Variants in GALNT18 observed in about 807,000 individuals in gnomAD.
The protein encoded by GALNT18 is polypeptide N-acetylgalactosaminyltransferase 18, also known as GalNAc-transferase 18.
In GALNT18, 44 loss-of-function variants were observed where a neutral mutation model predicts 69.5. That is an observed-to-expected ratio of 0.63 (90% CI 0.50 to 0.81). The LOEUF (loss-of-function observed/expected upper bound fraction) is 0.81, where lower values mean the gene tolerates loss of function less well. Ranked by LOEUF, GALNT18 falls within the 40% of genes least tolerant of loss-of-function variation. The pLI is 0.00. For missense variants in GALNT18, 715 were observed against 810.0 expected (o/e 0.88, Z 1.42); for synonymous variants, 364 against 318.2 (o/e 1.14, Z -1.53).
In GALNT18 at chr11:11,533,794, A is replaced by C. The variant is rs1476887861; in HGVS notation, c.236-84858T>G. Reference sequence around the variant, plus strand: ...GTCTGTGTATCTGGTATTTTCTCCCAGTGCCATTCCGAGTAGATGCCTCGT... The same window carrying C: ...GTCTGTGTATCTGGTATTTTCTCCCCGTGCCATTCCGAGTAGATGCCTCGT... On this transcript the variant is annotated intron_variant, in intron 1 of 10. Transcript: ENST00000227756. 4.6e-5 allele frequency among the ~76,000 whole-genome samples: 7 copies of C among 152,324 alleles called. No individual in the cohort carries two copies. The East Asian group carries it at 1.2e-3, about 25-fold the overall frequency.
intron 9 of GALNT18, among the ~76,000 whole-genome samples, chr11:11,311,924 G>C (rs1241456045): frequency 6.6e-6 from 1 of 152,192 alleles, no homozygotes. Flanking sequence ...AGGGGTTAGG[G>C]GTGCTGACTC....
intron 10 of GALNT18, among the ~76,000 whole-genome samples, chr11:11,287,883 T>A: frequency 6.6e-6 from 1 of 152,098 alleles, no homozygotes; most frequent in Non-Finnish European, 1.5e-5. Context: ...TGAGAACCAC[T>A]CCACTGCCCG....
At chr11:11,515,051 C>T (rs1857244177) in intron 1 of GALNT18, among the ~76,000 whole-genome samples, 1 of 152,322 alleles carries the variant, frequency 6.6e-6, no homozygotes, top group Admixed American at 6.5e-5. Flanking sequence ...AGGCCAGATC[C>T]AGAGCCCGCA....
chr11:11,561,481 C>A (rs191673133), intron 1 of GALNT18, among the ~76,000 whole-genome samples: 2 of 152,244 alleles, frequency 1.3e-5, no homozygotes, highest in East Asian at 3.9e-4. Context: ...TCCCAGTCTG[C>A]AAAATGGGTA....
At chr11:11,371,238 T>C (rs2133673239) in intron 6 of GALNT18, among the ~76,000 whole-genome samples, 1 of 152,348 alleles carries the variant, frequency 6.6e-6, no homozygotes, top group South Asian at 2.1e-4. Flanking sequence ...TTGCAGGCAT[T>C]GTGAGATGCT....
intron 2 of GALNT18, among the ~76,000 whole-genome samples, chr11:11,442,725 T>A (rs1855557488): frequency 6.6e-6 from 1 of 151,658 alleles, no homozygotes; most frequent in Non-Finnish European, 1.5e-5. Context: ...GTCCCAATTA[T>A]TCCCACCTAG....
At chr11:11,468,731 C>T (rs1231221953) in intron 1 of GALNT18, among the ~76,000 whole-genome samples, 1 of 152,098 alleles carries the variant, frequency 6.6e-6, no homozygotes. Flanking sequence ...AAACAGGATG[C>T]TCGCTAATGC....
chr11:11,403,037 C>T (rs1379665979), intron 3 of GALNT18, among the ~76,000 whole-genome samples: 1 of 152,146 alleles, frequency 6.6e-6, no homozygotes, highest in Non-Finnish European at 1.5e-5. Flanking sequence ...AGGAATGACG[C>T]TCCAGCATGA....
chr11:11,300,059 A>C (rs1849467965), intron 9 of GALNT18, among the ~76,000 whole-genome samples: 1 of 152,270 alleles, frequency 6.6e-6, no homozygotes, highest in Non-Finnish European at 1.5e-5. Context: ...AGGCAAATCT[A>C]GAACATTGGG....
At chr11:11,307,626 A>G (rs182556474) in intron 9 of GALNT18, among the ~76,000 whole-genome samples, 21 of 152,252 alleles carry the variant, frequency 1.4e-4, no homozygotes, top group African/African-American at 5.1e-4. Context: ...AAAGGTTCTG[A>G]TGCTACCCCT....
Position 11,377,235 on chromosome 11 carries a change from G to A in GALNT18, c.924C>T (p.Tyr308=). 1 of 1,613,804 alleles carries A rather than the reference G, an allele frequency of 6.2e-7. No homozygotes were observed. Among genetic ancestry groups the A allele is most frequent in the Non-Finnish European group, 8.5e-7 (1 of 1,180,022 alleles). Reference sequence around the variant, plus strand: ...TCCACCAGGCCTTGGGGGGATTTAGGTAGCGGCACCACAGCTCCCAGTCAA... The same window carrying A: ...TCCACCAGGCCTTGGGGGGATTTAGATAGCGGCACCACAGCTCCCAGTCAA... ...QGFDWELWCR[Y]LNPPKAWWKL... The change falls in exon 5 of 11, where the codon TAC becomes TAT. Residue 308 remains tyrosine, a synonymous_variant. Transcript: ENST00000227756. This position sits in a 1 kb window ranked among gnomAD's most constrained non-coding sequence, Gnocchi z 4.6.
At chr11:11,526,091 G>A (rs758449559) in intron 1 of GALNT18, among the ~76,000 whole-genome samples, 16 of 152,148 alleles carry the variant, frequency 1.1e-4, no homozygotes, top group South Asian at 2.1e-4. Context: ...TATGCTAGGC[G>A]TTCTCAGGGA....
Position 11,592,579 on chromosome 11 carries a change from C to T in GALNT18, c.235+28780G>A, listed in dbSNP as rs114258498. On this transcript the variant is annotated intron_variant, in intron 1 of 10. Coordinates refer to ENST00000227756, the MANE Select transcript of GALNT18 (RefSeq NM_198516.3). This position sits in a 1 kb window ranked among gnomAD's most constrained non-coding sequence, Gnocchi z 5.9. Reference sequence around the variant, plus strand: ...TCTGGCACAAGCTCAAAACAACTTTCAGTTACGAAAAAGGGTATAAACCGC... The same window carrying T: ...TCTGGCACAAGCTCAAAACAACTTTTAGTTACGAAAAAGGGTATAAACCGC... 0.024 allele frequency among the ~76,000 whole-genome samples: 3,682 copies of T among 152,158 alleles called. 156 individuals carry two copies. The highest frequency in any genetic ancestry group is 0.084 in the African/African-American group (3,507 of 41,520).
At position 11,573,958 on chromosome 11, in the gene GALNT18, G is replaced by T. The variant is rs1160644228; in HGVS notation, c.235+47401C>A. ...AGAAGGCAGAGTTCAGAGAAATTAG[G>T]ATGGCTGCCCAAGGTCACCTAACTA... is the stretch of plus-strand genomic sequence containing the variant. On this transcript the variant is annotated intron_variant, in intron 1 of 10. Transcript: ENST00000227756. The surrounding 1 kb of genome is among the most constrained non-coding windows in gnomAD (Gnocchi z 4.6). Among the ~76,000 whole-genome samples, 1 of 152,134 alleles carries T rather than the reference G, an allele frequency of 6.6e-6. No homozygotes were observed. The highest frequency in any genetic ancestry group is 2.4e-5 in the African/African-American group (1 of 41,416).
At chr11:11,355,290 T>A (rs1406460048) in intron 6 of GALNT18, among the ~76,000 whole-genome samples, 1 of 152,220 alleles carries the variant, frequency 6.6e-6, no homozygotes, top group Non-Finnish European at 1.5e-5. Flanking sequence ...ATACTTACAC[T>A]GTGTTTTTTC....
intron 1 of GALNT18, among the ~76,000 whole-genome samples, chr11:11,526,217 G>C (rs2133935523): frequency 6.6e-6 from 1 of 152,298 alleles, no homozygotes; most frequent in East Asian, 1.9e-4. Context: ...TGGGTGGAGG[G>C]AGGGAAGCCA....
At chr11:11,503,584 G>T (rs1444277946) in intron 1 of GALNT18, among the ~76,000 whole-genome samples, 2 of 152,194 alleles carry the variant, frequency 1.3e-5, no homozygotes, top group South Asian at 4.1e-4. Flanking sequence ...TATGTGTTCA[G>T]CCGCTAATAA....
intron 3 of GALNT18, among the ~76,000 whole-genome samples, chr11:11,384,867 C>T (rs1334736954): frequency 6.6e-6 from 1 of 152,186 alleles, no homozygotes; most frequent in African/African-American, 2.4e-5. Context: ...AATATCCATG[C>T]TACTGGATGT....
At chr11:11,558,046 G>A (rs10765864) in intron 1 of GALNT18, among the ~76,000 whole-genome samples, 151,645 of 152,342 alleles carry the variant, frequency 1, 75,479 homozygotes, top group Middle Eastern at 1. Flanking sequence ...CATCTCTGCC[G>A]CCTGCCTTCA....
Sources: allele counts gnomAD v4.1 joint callset (sites outside exome capture counted in the v4.1 genomes callset), GRCh38; gene constraint gnomAD v4.1.1; non-coding constraint Gnocchi (gnomAD v3.1); transcripts MANE v1.5; gene names NCBI Gene and HGNC (gene_info 2026-07-23, HGNC 2026-07-21).